Variants in KL observed in about 807,000 individuals in gnomAD.
KL encodes the protein klotho, also known as alpha-klotho.
In KL, 62 loss-of-function variants were observed where a neutral mutation model predicts 84.2. The observed-to-expected ratio is 0.74, with a 90% CI of 0.60 to 0.91. The LOEUF is 0.91. KL is among the 40% of genes least tolerant of loss of function. KL has a pLI of 0.00. For synonymous variants in KL, 528 were observed against 528.0 expected, an observed-to-expected ratio of 1.00 and a Z score of 0.00; for missense variants, 1,261 against 1,305.7, an observed-to-expected ratio of 0.97 and a Z score of 0.53.
intron 1 of KL, among the ~76,000 whole-genome samples, chr13:33,041,035 C>T (rs1871320376): frequency 1.3e-5 from 2 of 152,150 alleles, no homozygotes; most frequent in South Asian, 4.1e-4. Context: ...CAATAGTTGT[C>T]TAACTGGTAT....
intron 1 of KL, among the ~76,000 whole-genome samples, chr13:33,021,928 G>A (rs1870590738): frequency 6.6e-6 from 1 of 152,192 alleles, no homozygotes; most frequent in Non-Finnish European, 1.5e-5. Flanking sequence ...CAACTGGATT[G>A]AAAGTTAATA....
At chr13:33,062,519 G>A (rs11839109) in intron 4 of KL, among the ~76,000 whole-genome samples, 1,777 of 151,622 alleles carry the variant, frequency 0.012, 37 homozygotes, top group African/African-American at 0.04. Context: ...CTGAAAATAC[G>A]AAAATTATCC....
rs73460923 is a variant in KL, at chr13:33,046,685, G to A, written c.820-7082G>A. Among the ~76,000 whole-genome samples the A allele has an allele frequency of 5.5e-3, 811 of 147,952 alleles. 8 individuals carry two copies. Among genetic ancestry groups the A allele is most frequent in the African/African-American group, 0.019 (758 of 40,688 alleles). ...AGTTCCTTTATTCTGTTAGCTGTGA[G>A]TTTAGTTGGCTCTTCTTTTTTATTT... On this transcript the variant is annotated intron_variant, in intron 1 of 4. Coordinates refer to ENST00000380099, the MANE Select transcript of KL (RefSeq NM_004795.4).
In KL at chr13:33,054,015, G is replaced by A. The variant is rs1871855222; in HGVS notation, c.1068G>A (p.Glu356=). The change falls in exon 2 of 5, where the codon GAG becomes GAA. Residue 356 remains glutamate (E), a synonymous_variant. Transcript: ENST00000380099. ...SSILPDFTES[E]KKFIKGTADF... is the part of the protein sequence containing the mutation. ...TTCTGCCTGATTTTACTGAATCTGA[G>A]AAAAAGTTCATCAAAGGAACTGCTG... 6.2e-7 allele frequency: 1 copy of A among 1,613,136 alleles called. No homozygotes were observed. Among genetic ancestry groups the A allele is most frequent in the Non-Finnish European group, 8.5e-7 (1 of 1,179,258 alleles).
At chr13:33,032,565 G>A (rs1022916205) in intron 1 of KL, among the ~76,000 whole-genome samples, 7 of 152,258 alleles carry the variant, frequency 4.6e-5, no homozygotes, top group Non-Finnish European at 1.0e-4. Flanking sequence ...GAACTAGGAG[G>A]AAGTGGTATG....
rs1014653068 is a variant in KL, at chr13:33,064,500, A to C, written c.*314A>C. 1 of 303,090 alleles carries C rather than the reference A, an allele frequency of 3.3e-6. No homozygotes were observed. Among genetic ancestry groups the C allele is most frequent in the Non-Finnish European group, 6.2e-6 (1 of 161,586 alleles). The allele number at this position is 303,090 out of a possible 1,614,324, so 18.8% of individuals were successfully genotyped here. A position where few individuals can be genotyped will look rare whatever the true frequency, so the allele number is the denominator to read the frequency against. ...AATGCAACATTTGTGCAGAAATTTG[A>C]ATGACAAGATTAGGAATATTTTCTT... is the stretch of plus-strand genomic sequence containing the variant. On this transcript the variant is annotated 3_prime_UTR_variant, in exon 5 of 5. Transcript: ENST00000380099.
At chr13:33,042,871 G>A (rs934220034) in intron 1 of KL, among the ~76,000 whole-genome samples, 1 of 152,116 alleles carries the variant, frequency 6.6e-6, no homozygotes, top group East Asian at 1.9e-4. Context: ...CAGTAGAGAC[G>A]GGGTTTCACC....
At chr13:33,042,559 C>A (rs1235025337) in intron 1 of KL, among the ~76,000 whole-genome samples, 1 of 152,174 alleles carries the variant, frequency 6.6e-6, no homozygotes, top group East Asian at 1.9e-4. Flanking sequence ...AAGAGTAGTT[C>A]ACTCTTTGCA....
intron 1 of KL, among the ~76,000 whole-genome samples, chr13:33,018,770 A>T (rs527426410): frequency 6.6e-6 from 1 of 152,374 alleles, no homozygotes; most frequent in East Asian, 1.9e-4. Context: ...AGGATCTAAT[A>T]GATCATGCCC....
chr13:33,059,698 C>T (rs547950903), intron 3 of KL, among the ~76,000 whole-genome samples: 2 of 152,282 alleles, frequency 1.3e-5, no homozygotes, highest in East Asian at 3.9e-4. Flanking sequence ...GTCTCAAACT[C>T]CTGATCTCAT....
chr13:33,025,615 G>T (rs912047277), intron 1 of KL, among the ~76,000 whole-genome samples: 1 of 152,136 alleles, frequency 6.6e-6, no homozygotes, highest in Admixed American at 6.5e-5. Flanking sequence ...GAAGAAGAAA[G>T]CCTGGGAATT....
At chr13:33,055,455 A>C (rs750438725) in intron 3 of KL, 140 bp downstream of exon 3, 9 of 983,290 alleles carry the variant, frequency 9.2e-6, no homozygotes, top group Admixed American at 7.9e-5. Flanking sequence ...CACTAAGGGC[A>C]CAATTTGGAA....
In KL at chr13:33,016,821, C is replaced by T; in HGVS notation, c.381C>T (p.Asp127=). 6.2e-7 allele frequency: 1 copy of T among 1,612,798 alleles called. No homozygotes were observed. The highest frequency in any genetic ancestry group is 8.5e-7 in the Non-Finnish European group (1 of 1,179,810). Residue 127 remains aspartate, a synonymous_variant, in exon 1 of 5, where the codon GAC becomes GAT. Coordinates refer to ENST00000380099, the MANE Select transcript of KL (RefSeq NM_004795.4). ...LQPATGDVAS[D]SYNNVFRDTE... ...CCGCCACCGGGGACGTAGCCAGCGA[C>T]AGCTACAACAACGTCTTCCGCGACA... is the stretch of plus-strand genomic sequence containing the variant.
chr13:33,031,763 A>C (rs114306844), intron 1 of KL, among the ~76,000 whole-genome samples: 1 of 152,208 alleles, frequency 6.6e-6, no homozygotes, highest in Admixed American at 6.5e-5. Context: ...AGTGGGGAGC[A>C]GGAGTGAGGG....
intron 1 of KL, among the ~76,000 whole-genome samples, chr13:33,029,771 C>T (rs1468719403): frequency 2.0e-5 from 3 of 152,106 alleles, no homozygotes; most frequent in Non-Finnish European, 4.4e-5. Flanking sequence ...GTAGCTGGGA[C>T]TACAGGCACC....
At chr13:33,060,614 A>G in intron 3 of KL, 65 bp from the exon 4 acceptor site, 2 of 1,588,944 alleles carry the variant, frequency 1.3e-6, no homozygotes, top group Non-Finnish European at 1.7e-6. Flanking sequence ...TTGCTGAAAT[A>G]ATTGCTTTGA....
intron 1 of KL, among the ~76,000 whole-genome samples, chr13:33,049,674 C>G (rs1452709809): frequency 6.6e-6 from 1 of 152,126 alleles, no homozygotes; most frequent in Non-Finnish European, 1.5e-5. Context: ...AAGTGGGGTT[C>G]AATGTGCCTG....
intron 1 of KL, among the ~76,000 whole-genome samples, chr13:33,050,208 A>G (rs684492): frequency 0.67 from 101,218 of 152,094 alleles, 34,162 homozygotes; most frequent in Admixed American, 0.76. Flanking sequence ...TACAGTTAAT[A>G]ACTTCACTGA....
chr13:33,063,943 A>G lies in KL; in HGVS notation c.2796A>G (p.Ala932=). 2.5e-6 allele frequency: 4 copies of G among 1,614,188 alleles called. No homozygotes were observed. Among genetic ancestry groups the G allele is most frequent in the Non-Finnish European group, 3.4e-6 (4 of 1,180,030 alleles). The change falls in exon 5 of 5, where the codon GCA becomes GCG. Residue 932 remains alanine (A), a synonymous_variant. Transcript: ENST00000380099. ...GGTTTGGCCTCTATCGTTATGCTGC[A>G]GATCAGTTTGAGCCCAAGGCATCCA... ...APRFGLYRYA[A]DQFEPKASMK... is the part of the protein sequence containing the mutation.
Sources: allele counts gnomAD v4.1 joint callset (sites outside exome capture counted in the v4.1 genomes callset), GRCh38; gene constraint gnomAD v4.1.1; transcripts MANE v1.5; gene names NCBI Gene and HGNC (gene_info 2026-07-23, HGNC 2026-07-21).